Variants in MYO18B observed in about 807,000 individuals in gnomAD.
MYO18B encodes unconventional myosin-XVIIIb.
MYO18B carries 204 observed loss-of-function variants against 273.0 expected under a neutral mutation model. The observed-to-expected ratio is 0.75, with a 90% CI of 0.67 to 0.84. MYO18B has a LOEUF of 0.84. Ranked by LOEUF, MYO18B falls within the 40% of genes least tolerant of loss-of-function variation. The probability of loss-of-function intolerance (pLI) is 0.00; values close to 1 mark genes in which losing one functional copy is unlikely to be tolerated. For missense variants in MYO18B, 3,212 were observed against 3,287.6 expected, an observed-to-expected ratio of 0.98 and a Z score of 0.56; for synonymous variants, 1,330 against 1,305.7, an observed-to-expected ratio of 1.02 and a Z score of -0.40.
intron 33 of MYO18B, among the ~76,000 whole-genome samples, chr22:25,913,669 A>G (rs1285453272): frequency 2.6e-5 from 4 of 152,102 alleles, no homozygotes; most frequent in Non-Finnish European, 4.4e-5. Flanking sequence ...TGCCTGGCCG[A>G]TTGTGGCTTT....
At chr22:25,824,343 G>A (rs561914825) in intron 13 of MYO18B, among the ~76,000 whole-genome samples, 4 of 152,248 alleles carry the variant, frequency 2.6e-5, no homozygotes, top group Admixed American at 2.6e-4. Context: ...TAGTTTACAA[G>A]CTGAGGTGAT....
intron 7 of MYO18B, among the ~76,000 whole-genome samples, chr22:25,775,355 T>C (rs115563703): frequency 0.013 from 1,996 of 152,266 alleles, 44 homozygotes; most frequent in African/African-American, 0.045. Flanking sequence ...GCTAGACATC[T>C]AGGCTGAGGG....
chr22:25,902,040 G>T (rs2091948055), intron 29 of MYO18B, among the ~76,000 whole-genome samples: 1 of 151,952 alleles, frequency 6.6e-6, no homozygotes, highest in Non-Finnish European at 1.5e-5. Context: ...GTCTCACTTT[G>T]TTGACCAGGC....
intron 11 of MYO18B, among the ~76,000 whole-genome samples, chr22:25,793,893 T>C (rs1188398348): frequency 6.6e-6 from 1 of 152,184 alleles, no homozygotes; most frequent in Non-Finnish European, 1.5e-5. Context: ...TAATTTTAAG[T>C]GTACAACTCG....
chr22:25,961,641 G>A (rs186615892), intron 39 of MYO18B, among the ~76,000 whole-genome samples: 40 of 150,212 alleles, frequency 2.7e-4, no homozygotes, highest in African/African-American at 8.2e-4. Context: ...TACAGGGCCC[G>A]GGGAACCACC....
chr22:25,944,086 A>C (rs112861188), intron 34 of MYO18B, among the ~76,000 whole-genome samples: 4 of 152,012 alleles, frequency 2.6e-5, no homozygotes, highest in African/African-American at 9.7e-5. Flanking sequence ...TGACTTCTCA[A>C]AAGAGGGGCT....
At position 25,954,906 on chromosome 22, in the gene MYO18B, C is replaced by G. The variant is rs8140409; in HGVS notation, c.5971-273C>G. Among the ~76,000 whole-genome samples the G allele has an allele frequency of 0.093, 14,120 of 152,058 alleles. 837 individuals are homozygous for G. The highest frequency in any genetic ancestry group is 0.16 in the African/African-American group (6,688 of 41,444). On this transcript the variant is annotated intron_variant, in intron 38 of 43. Transcript: ENST00000335473. ...TTTGTATTTCTTAGAGAAGGGATTT[C>G]GCCATGTTGGCCAGGCTGGTCTCTA...
the MYO18B span, among the ~76,000 whole-genome samples, chr22:26,056,884 G>A: frequency 1.3e-5 from 2 of 152,164 alleles, no homozygotes; most frequent in African/African-American, 2.4e-5. Flanking sequence ...CATAATGAAC[G>A]TGCCTGCCTT....
intron 1 of MYO18B, among the ~76,000 whole-genome samples, chr22:25,748,374 G>T (rs1021620356): frequency 1.3e-5 from 2 of 152,164 alleles, no homozygotes; most frequent in African/African-American, 4.8e-5. Context: ...TGGATGCCAG[G>T]ATATAGGAGA....
rs750893708 is a variant in MYO18B, at chr22:25,770,110, G to C, written c.1513G>C (p.Ala505Pro). The change falls in exon 5 of 44, where the codon GCT (alanine) becomes CCT (proline). Residue 505 changes from alanine (A) to proline (P), a missense_variant and splice_region_variant. Coordinates refer to ENST00000335473, the MANE Select transcript of MYO18B (RefSeq NM_032608.7). ...TAATTTACGTGATGTTGGTTCTCAG[G>C]CTCCTGAGGACAGATGGTATGAGGC... ...KGGQSRDSDQ[A>P]PEDRWYEAEK... 6.2e-7 allele frequency: 1 copy of C among 1,613,806 alleles called. No individual in the cohort carries two copies. Among genetic ancestry groups the C allele is most frequent in the Non-Finnish European group, 8.5e-7 (1 of 1,179,860 alleles).
At chr22:26,036,500 C>T in the MYO18B span, among the ~76,000 whole-genome samples, 1 of 152,022 alleles carries the variant, frequency 6.6e-6, no homozygotes, top group Non-Finnish European at 1.5e-5. Context: ...CAAAATGCTC[C>T]TTTGTAAATA....
intron 21 of MYO18B, among the ~76,000 whole-genome samples, chr22:25,851,978 G>T (rs139054694): frequency 1.5e-4 from 23 of 152,278 alleles, no homozygotes; most frequent in Non-Finnish European, 2.9e-4. Context: ...TTTAGGAAAA[G>T]AATAAGAATA....
At chr22:25,895,034 A>C in intron 27 of MYO18B, 122 bp from the exon 28 acceptor site, 1 of 1,208,134 alleles carries the variant, frequency 8.3e-7, no homozygotes, top group Non-Finnish European at 1.1e-6. Flanking sequence ...TTGAGGCTCA[A>C]GGGCTCTGTG....
chr22:25,893,168 G>A (rs2091707733), intron 27 of MYO18B, among the ~76,000 whole-genome samples: 1 of 152,162 alleles, frequency 6.6e-6, no homozygotes, highest in South Asian at 2.1e-4. Flanking sequence ...CATCGCAGTG[G>A]TACCACAACC....
chr22:25,910,952 C>A lies in MYO18B; in HGVS notation c.5266C>A (p.Gln1756Lys). 1 of 1,589,652 alleles carries A rather than the reference C, an allele frequency of 6.3e-7. No homozygotes were observed. Among genetic ancestry groups the A allele is most frequent in the Admixed American group, 1.8e-5 (1 of 56,592 alleles). ...VRQSCQKRLH[Q>K]LEMQLEQEYE... ...CTTCCCTGTGTATCCACAGCTTCAT[C>A]AGCTGGAAATGCAGCTGGAGCAAGA... Residue 1756 changes from glutamine (Q) to lysine (K), a missense_variant, in exon 33 of 44, where the codon CAG (glutamine) becomes AAG (lysine). Transcript: ENST00000335473.
intron 42 of MYO18B, among the ~76,000 whole-genome samples, chr22:26,022,772 G>A (rs1287953538): frequency 1.3e-5 from 2 of 152,218 alleles, no homozygotes; most frequent in African/African-American, 2.4e-5. Context: ...TGACAGCCAG[G>A]CTAGGCCTGA....
At position 25,785,443 on chromosome 22, in the gene MYO18B, G is replaced by A. The variant is rs1389526025; in HGVS notation, c.2328G>A (p.Leu776=). 3.7e-6 allele frequency: 6 copies of A among 1,610,768 alleles called. No individual in the cohort carries two copies. The East Asian group carries it at 1.1e-4, about 30-fold the overall frequency. The change falls in exon 11 of 44, where the codon CTG becomes CTA. Residue 776 remains leucine, a synonymous_variant. Transcript: ENST00000335473. The part of the protein sequence containing the change: ...LDLDLRTELN[L]HQMADSSSFG... The stretch of plus-strand genomic sequence containing the variant: ...GTGCTTCCAGGACGGAGCTGAACCT[G>A]CACCAGATGGCAGATAGCAGCTCCT...
At chr22:25,890,649 C>A in intron 25 of MYO18B, 107 bp from the exon 26 acceptor site, 1 of 1,474,434 alleles carries the variant, frequency 6.8e-7, no homozygotes. Context: ...TCAAGGGTTG[C>A]TTTCCCATGA....
chr22:26,014,559 T>C (rs1277260394), intron 42 of MYO18B, among the ~76,000 whole-genome samples: 1 of 152,216 alleles, frequency 6.6e-6, no homozygotes, highest in East Asian at 1.9e-4. Context: ...TGAATTCTAC[T>C]TTTCTGGCTT....
Sources: allele counts gnomAD v4.1 joint callset (sites outside exome capture counted in the v4.1 genomes callset), GRCh38; gene constraint gnomAD v4.1.1; transcripts MANE v1.5; gene names NCBI Gene and HGNC (gene_info 2026-07-23, HGNC 2026-07-21).